The following NKD2 variants were observed in gnomAD, a reference collection of about 807,000 sequenced individuals.
The protein encoded by NKD2 is NKD inhibitor of Wnt signaling pathway 2, also known as protein naked cuticle homolog 2.
A neutral mutation model predicts 34.8 loss-of-function variants in NKD2; 43 were observed. The observed-to-expected ratio is 1.24, with a 90% CI of 0.97 to 1.60. NKD2 has a LOEUF of 1.60. Ranked by LOEUF, NKD2 falls within the 40% of genes most tolerant of loss-of-function variation. The pLI is 0.00. For synonymous variants in NKD2, 278 were observed against 265.1 expected (o/e 1.05, Z -0.47); for missense variants, 675 against 627.1 (o/e 1.08, Z -0.82).
intron 3 of NKD2, among the ~76,000 whole-genome samples, chr5:1,014,825 A>G (rs1755884383): frequency 6.6e-6 from 1 of 152,252 alleles, no homozygotes; most frequent in Non-Finnish European, 1.5e-5. Flanking sequence ...AGTCCTAGTC[A>G]AAGACCATAG....
intron 3 of NKD2, among the ~76,000 whole-genome samples, chr5:1,018,919 G>T (rs539219980): frequency 6.6e-6 from 1 of 152,200 alleles, no homozygotes; most frequent in Non-Finnish European, 1.5e-5. Flanking sequence ...AAAGGGCAGA[G>T]AGCACCATCC....
chr5:1,020,308 CAT>C (rs778526384), intron 3 of NKD2, among the ~76,000 whole-genome samples: 39 of 152,292 alleles, frequency 2.6e-4, no homozygotes, highest in Middle Eastern at 3.4e-3. Context: ...GATGTGTTCA[CAT>C]ATGTGAGTAC....
Position 1,009,710 on chromosome 5 carries a change from T to C in NKD2, c.141+150T>C. On this transcript the variant is annotated intron_variant, in intron 3 of 9. Coordinates refer to ENST00000296849, the MANE Select transcript of NKD2 (RefSeq NM_033120.4). This position sits in a 1 kb window ranked among gnomAD's most constrained non-coding sequence, Gnocchi z 6.9. ...TGACCGGGGGCCAGGAGAGCCAGTC[T>C]CTCCCCAGCCTCCACGACGTCTGGG... is the stretch of plus-strand genomic sequence containing the variant. The C allele has an allele frequency of 4.8e-6, 3 of 619,812 alleles. No individual in the cohort carries two copies. Among genetic ancestry groups the C allele is most frequent in the Non-Finnish European group, 7.6e-6 (3 of 395,258 alleles). 38.4% of individuals were successfully genotyped at this position (619,812 alleles called of 1,614,324 possible). A position where few individuals can be genotyped will look rare whatever the true frequency, so the allele number is the denominator to read the frequency against.
intron 3 of NKD2, among the ~76,000 whole-genome samples, chr5:1,031,778 C>T (rs1756653713): frequency 6.6e-6 from 1 of 151,996 alleles, no homozygotes; most frequent in Non-Finnish European, 1.5e-5. Context: ...CTCCAGTGGG[C>T]AGTGCTGGGA....
In NKD2 at chr5:1,038,307, GCACGAGCACCACCACCAC is replaced by G. The variant is rs562708775; in HGVS notation, c.1312_1329del (p.Glu438_His443del). 2,310 of 1,544,742 alleles carry G rather than the reference GCACGAGCACCACCACCAC, an allele frequency of 1.5e-3. 3 individuals carry two copies. Among genetic ancestry groups the G allele is most frequent in the East Asian group, 4.7e-3 (196 of 41,568 alleles). ...GCTACGCGGTGCCAGTGATCCAGCG[GCACGAGCACCACCACCAC>G]CACGAGCACCACCACCACCACCACC... On this transcript the variant is annotated inframe_deletion, in exon 10 of 10. Transcript: ENST00000296849. The surrounding 1 kb of genome is among the most constrained non-coding windows in gnomAD (Gnocchi z 4.5).
At position 1,033,499 on chromosome 5, in the gene NKD2, C is replaced by T. The variant is rs777011080; in HGVS notation, c.330C>T (p.Asp110=). The change falls in exon 5 of 10, where the codon GAC becomes GAT. Residue 110 remains aspartate (D), a splice_region_variant and synonymous_variant. Transcript: ENST00000296849. ...CGGGCGGGCAGCGCCTCAACATTGACGTGGGTCTCTCTCCGGCCTCACTTG... is the reference window on the plus strand; with the variant it reads ...CGGGCGGGCAGCGCCTCAACATTGATGTGGGTCTCTCTCCGGCCTCACTTG... The part of the protein sequence containing the change: ...RGPGGQRLNI[D]ALQCDVSVEE... 1.9e-5 allele frequency: 30 copies of T among 1,547,896 alleles called. No individual in the cohort carries two copies. The highest frequency in any genetic ancestry group is 1.7e-4 in the South Asian group (14 of 83,862).
At chr5:1,010,693 A>G (rs1755719285) in intron 3 of NKD2, among the ~76,000 whole-genome samples, 1 of 152,144 alleles carries the variant, frequency 6.6e-6, no homozygotes, top group African/African-American at 2.4e-5. Context: ...CCCCGCCCCA[A>G]TCTGGCTCTC....
chr5:1,016,826 T>G (rs1033958683), intron 3 of NKD2, among the ~76,000 whole-genome samples: 2 of 152,096 alleles, frequency 1.3e-5, no homozygotes, highest in African/African-American at 4.8e-5. Context: ...CCATCCTCCT[T>G]TCCACAAAGG....
At chr5:1,014,653 A>G (rs904994012) in intron 3 of NKD2, among the ~76,000 whole-genome samples, 3 of 152,148 alleles carry the variant, frequency 2.0e-5, no homozygotes, top group Non-Finnish European at 2.9e-5. Context: ...CGACTGGGGG[A>G]AACACACACC....
intron 3 of NKD2, among the ~76,000 whole-genome samples, chr5:1,019,806 C>T (rs1194873118): frequency 6.6e-6 from 1 of 151,554 alleles, no homozygotes; most frequent in African/African-American, 2.4e-5. Context: ...ATTAATCTTC[C>T]TTTGAAATAG....
intron 9 of NKD2, 109 bp downstream of exon 9, chr5:1,036,493 C>CCCCG: frequency 1.9e-6 from 1 of 535,054 alleles, no homozygotes; most frequent in Non-Finnish European, 2.9e-6. Context: ...CCCTGCCCCG[C>CCCCG]CCCCCCCCAA....
chr5:1,032,831 C>A (rs1177104752), intron 4 of NKD2, among the ~76,000 whole-genome samples: 2 of 152,256 alleles, frequency 1.3e-5, no homozygotes, highest in Non-Finnish European at 2.9e-5. Flanking sequence ...CAGTCCCACA[C>A]TCCTATCCTG....
At chr5:1,035,577 T>C in intron 8 of NKD2, 104 bp downstream of exon 8, 1 of 889,524 alleles carries the variant, frequency 1.1e-6, no homozygotes, top group Non-Finnish European at 1.8e-6. Context: ...CACCATCCTC[T>C]AGGTCAGACC....
chr5:1,033,493 C>A lies in NKD2; in HGVS notation c.324C>A (p.Asn108Lys). Reference sequence around the variant, plus strand: ...GAGGACCGGGCGGGCAGCGCCTCAACATTGACGTGGGTCTCTCTCCGGCCT... The same window carrying A: ...GAGGACCGGGCGGGCAGCGCCTCAAAATTGACGTGGGTCTCTCTCCGGCCT... ...GPRGPGGQRL[N>K]IDALQCDVSV... is the part of the protein sequence containing the mutation. The change falls in exon 5 of 10, where the codon AAC (asparagine) becomes AAA (lysine). Residue 108 changes from asparagine (N) to lysine (K), a missense_variant. Physicochemically the swap from Asn to Lys is moderately conservative, Grantham distance 94 (BLOSUM62 0). Coordinates refer to ENST00000296849, the MANE Select transcript of NKD2 (RefSeq NM_033120.4). The A allele has an allele frequency of 6.5e-7, 1 of 1,548,996 alleles. No individual in the cohort carries two copies. Among genetic ancestry groups the A allele is most frequent in the Non-Finnish European group, 8.7e-7 (1 of 1,145,962 alleles).
intron 3 of NKD2, among the ~76,000 whole-genome samples, chr5:1,029,627 G>A (rs954748250): frequency 3.3e-5 from 5 of 152,212 alleles, no homozygotes; most frequent in Non-Finnish European, 7.3e-5. Context: ...AGCTTTATGC[G>A]TGGAGTGCGT....
intron 3 of NKD2, among the ~76,000 whole-genome samples, chr5:1,029,386 T>C (rs551516996): frequency 6.0e-4 from 91 of 152,292 alleles, no homozygotes; most frequent in African/African-American, 2.1e-3. Context: ...TAGTTTTGGT[T>C]GGTTATTACA....
intron 5 of NKD2, 21 bp from the exon 6 acceptor site, chr5:1,034,214 G>T: frequency 6.3e-7 from 1 of 1,594,764 alleles, no homozygotes; most frequent in Non-Finnish European, 8.6e-7. Context: ...GCGAGGTCCC[G>T]GCCCCCACGT....
In NKD2 at chr5:1,038,440, C is replaced by T. The variant is rs943881853; in HGVS notation, c.*67C>T. ...CGCGACCTCAGGGCAGGGAGCAGAG[C>T]AGCTGCCGGCTGTGTGCCCATGGGG... On this transcript the variant is annotated 3_prime_UTR_variant, in exon 10 of 10. Transcript: ENST00000296849. The surrounding 1 kb of genome is among the most constrained non-coding windows in gnomAD (Gnocchi z 4.5). The T allele has an allele frequency of 3.9e-6, 6 of 1,535,696 alleles. No homozygotes were observed. Among genetic ancestry groups the T allele is most frequent in the East Asian group, 4.9e-5 (2 of 40,888 alleles).
intron 5 of NKD2, 57 bp downstream of exon 5, chr5:1,033,556 G>T: frequency 2.0e-6 from 3 of 1,509,820 alleles, no homozygotes; most frequent in East Asian, 2.5e-5. Flanking sequence ...GGGGGCTCAG[G>T]GACAGGCATG....
Sources: gnomAD v4.1 joint callset for allele counts (sites outside exome capture counted in the v4.1 genomes callset) on GRCh38, gnomAD v4.1.1 for gene constraint, Gnocchi (gnomAD v3.1) non-coding constraint, MANE v1.5 for transcripts, NCBI Gene and HGNC (gene_info 2026-07-23, HGNC 2026-07-21) for gene names.